ITGB1: variants seen among roughly 807,000 people sequenced by gnomAD.
The protein encoded by ITGB1 is integrin subunit beta 1, also known as integrin beta-1.
ITGB1 carries 24 observed loss-of-function variants against 86.5 expected under a neutral mutation model. That is an observed-to-expected ratio of 0.28 (90% CI 0.20 to 0.39). The LOEUF (loss-of-function observed/expected upper bound fraction) is 0.39. Among genes scored for constraint, ITGB1 ranks in the 10% least tolerant of loss-of-function variants. ITGB1 has a pLI of 1.00. For missense variants in ITGB1, 556 were observed against 946.9 expected (o/e 0.59, Z 5.42); for synonymous variants, 323 against 316.8 (o/e 1.02, Z -0.21).
chr10:32,906,177 T>C (rs1387388418), intron 15 of ITGB1, among the ~76,000 whole-genome samples: 1 of 152,212 alleles, frequency 6.6e-6, no homozygotes, highest in East Asian at 1.9e-4. Context: ...ATAATGATAT[T>C]GTAGTTGCAT....
At chr10:32,955,447 A>G (rs2095050449) in intron 1 of ITGB1, 1 of 152,230 alleles carries the variant, frequency 6.6e-6, no homozygotes, top group African/African-American at 2.4e-5. Flanking sequence ...TACCAGTTAC[A>G]AGATGTTTCA....
At chr10:32,929,719 T>G in intron 4 of ITGB1, 103 bp downstream of exon 4, 2 of 728,010 alleles carry the variant, frequency 2.7e-6, no homozygotes, top group Non-Finnish European at 4.9e-6. Flanking sequence ...CCAGTCCACA[T>G]GTAAAAACGA....
At chr10:32,914,992 G>C (rs1350695594) in intron 11 of ITGB1, among the ~76,000 whole-genome samples, 1 of 152,186 alleles carries the variant, frequency 6.6e-6, no homozygotes, top group Non-Finnish European at 1.5e-5. Context: ...AATCAAGCTA[G>C]AACTCAAGAT....
At chr10:32,908,335 G>A in intron 15 of ITGB1, 33 bp downstream of exon 15, 1 of 1,601,144 alleles carries the variant, frequency 6.2e-7, no homozygotes, top group Non-Finnish European at 8.6e-7. Context: ...TACTTTATAA[G>A]CCACTTTGCT....
At chr10:32,906,729 C>A (rs2094897511) in intron 15 of ITGB1, 2 of 253,676 alleles carry the variant, frequency 7.9e-6, no homozygotes, top group South Asian at 8.5e-5. Flanking sequence ...CCACCCCATA[C>A]AAAACAGAGT....
chr10:32,949,798 C>T (rs1322963239), intron 1 of ITGB1, among the ~76,000 whole-genome samples: 6 of 152,102 alleles, frequency 3.9e-5, no homozygotes, highest in African/African-American at 1.2e-4. Context: ...TTTAAATACA[C>T]ACTCATTATT....
intron 15 of ITGB1, among the ~76,000 whole-genome samples, chr10:32,906,856 C>T (rs774233896): frequency 2.0e-5 from 3 of 152,194 alleles, no homozygotes; most frequent in Non-Finnish European, 2.9e-5. Flanking sequence ...ATTCTCTTTT[C>T]ACTACAACAT....
Position 32,911,666 on chromosome 10 carries a change from AT to A in ITGB1, c.1712del (p.Asn571MetfsTer103). ...DRSNGLICGG[N>X]GVCKCRVCEC... The stretch of plus-strand genomic sequence containing the variant: ...CACACACACGACACTTGCAAACACC[AT>A]TTCCTGCAATTAAGCATATCATTTC... On this transcript the variant is annotated frameshift_variant, in exon 13 of 16. Transcript: ENST00000302278. LOFTEE classifies it high-confidence loss of function. 1 of 1,613,824 alleles carries A rather than the reference AT, an allele frequency of 6.2e-7. No homozygotes were observed. The highest frequency in any genetic ancestry group is 8.5e-7 in the Non-Finnish European group (1 of 1,179,682).
At chr10:32,957,878 C>G (rs1182387154) in intron 1 of ITGB1, 1 of 152,094 alleles carries the variant, frequency 6.6e-6, no homozygotes, top group African/African-American at 2.4e-5. Context: ...ACGTTCGGAA[C>G]GCGGCTGGGC....
chr10:32,927,030 A>C (rs575870262), intron 5 of ITGB1, among the ~76,000 whole-genome samples: 5 of 152,188 alleles, frequency 3.3e-5, no homozygotes, highest in Non-Finnish European at 5.9e-5. Context: ...AAAATAACTC[A>C]CATTCATTTT....
At chr10:32,906,691 T>C (rs770858004) in intron 15 of ITGB1, 19 of 223,230 alleles carry the variant, frequency 8.5e-5, no homozygotes, top group Non-Finnish European at 1.5e-4. Flanking sequence ...GCTGATTTCA[T>C]ATACTGGAGT....
chr10:32,956,118 A>G (rs533421754), intron 1 of ITGB1, among the ~76,000 whole-genome samples: 3 of 152,330 alleles, frequency 2.0e-5, no homozygotes, highest in Admixed American at 2.0e-4. Context: ...GAAAATACCA[A>G]TGTTTTTTAT....
chr10:32,913,641 A>C (rs2094921319), intron 11 of ITGB1, among the ~76,000 whole-genome samples: 1 of 152,238 alleles, frequency 6.6e-6, no homozygotes, highest in Non-Finnish European at 1.5e-5. Context: ...AAACGAACAA[A>C]GCCTCCAAGA....
intron 6 of ITGB1, among the ~76,000 whole-genome samples, chr10:32,925,608 C>T (rs1416664767): frequency 1.3e-5 from 2 of 152,136 alleles, no homozygotes; most frequent in Non-Finnish European, 2.9e-5. Flanking sequence ...GAGGTTGCCC[C>T]GCTGTTTCAA....
intron 15 of ITGB1, among the ~76,000 whole-genome samples, chr10:32,905,804 G>A (rs2094894671): frequency 6.6e-6 from 1 of 152,144 alleles, no homozygotes; most frequent in Admixed American, 6.6e-5. Context: ...ATCTTTATCT[G>A]CACAATAAGG....
chr10:32,910,488 AT>A, intron 13 of ITGB1, 33 bp from the exon 14 acceptor site: 1 of 1,385,646 alleles, frequency 7.2e-7, no homozygotes, highest in Non-Finnish European at 1.0e-6. Context: ...TGATATTTAC[AT>A]TTTATTATTT....
At chr10:32,947,898 T>C (rs1010651215) in intron 1 of ITGB1, among the ~76,000 whole-genome samples, 2 of 152,346 alleles carry the variant, frequency 1.3e-5, no homozygotes, top group East Asian at 1.9e-4. Flanking sequence ...TTTAAAACAA[T>C]GTCTGGCCAA....
chr10:32,946,181 C>A (rs1449455298), intron 1 of ITGB1, among the ~76,000 whole-genome samples: 1 of 151,954 alleles, frequency 6.6e-6, no homozygotes, highest in African/African-American at 2.4e-5. Context: ...GTTATTATAC[C>A]CCTCCTCCCA....
At chr10:32,907,422 T>C (rs187329258) in intron 15 of ITGB1, among the ~76,000 whole-genome samples, 202 of 152,294 alleles carry the variant, frequency 1.3e-3, no homozygotes, top group African/African-American at 4.6e-3. Context: ...TCTGACTCCA[T>C]ATTTCAAAGC....
Sources: gnomAD v4.1 joint callset for allele counts (sites outside exome capture counted in the v4.1 genomes callset) on GRCh38, gnomAD v4.1.1 for gene constraint, MANE v1.5 for transcripts, NCBI Gene and HGNC (gene_info 2026-07-23, HGNC 2026-07-21) for gene names.